NPLOC4: variants seen among roughly 807,000 people sequenced by gnomAD.
NPLOC4 encodes the protein NPL4 homolog, ubiquitin recognition factor, also known as nuclear protein localization protein 4 homolog.
A neutral mutation model predicts 80.6 loss-of-function variants in NPLOC4; 18 were observed. That is an observed-to-expected ratio of 0.22 (90% CI 0.15 to 0.33). The LOEUF is 0.33. NPLOC4 is among the 10% of genes least tolerant of loss of function. The probability of loss-of-function intolerance (pLI) is 1.00; values close to 1 mark genes in which losing one functional copy is unlikely to be tolerated. For synonymous variants in NPLOC4, 313 were observed against 301.5 expected (o/e 1.04, Z -0.39); for missense variants, 540 against 786.1 (o/e 0.69, Z 3.74).
intron 3 of NPLOC4, among the ~76,000 whole-genome samples, chr17:81,614,032 T>G (rs2035410330): frequency 6.6e-6 from 1 of 151,944 alleles, no homozygotes; most frequent in Admixed American, 6.6e-5. Context: ...ATCCCAGCAC[T>G]TTGGGAGGCT....
chr17:81,635,099 T>C (rs1168633211), intron 1 of NPLOC4, among the ~76,000 whole-genome samples: 1 of 151,874 alleles, frequency 6.6e-6, no homozygotes, highest in African/African-American at 2.4e-5. Flanking sequence ...CCCAGCATTT[T>C]GGTATGCCAA....
At chr17:81,595,435 A>G (rs1272633833) in intron 11 of NPLOC4, among the ~76,000 whole-genome samples, 5 of 146,830 alleles carry the variant, frequency 3.4e-5, no homozygotes, top group Non-Finnish European at 6.0e-5. Context: ...GTCAAAAAAA[A>G]AAAAAAAACC....
chr17:81,564,709 A>T (rs75659804), intron 16 of NPLOC4: 21,580 of 151,612 alleles, frequency 0.14, 1,824 homozygotes, highest in Admixed American at 0.23. Flanking sequence ...AATCGTTTGA[A>T]CCCAGGAGGT....
At chr17:81,583,154 C>T (rs2034489875) in intron 12 of NPLOC4, among the ~76,000 whole-genome samples, 1 of 152,250 alleles carries the variant, frequency 6.6e-6, no homozygotes, top group Non-Finnish European at 1.5e-5. Context: ...CAGTGAGCGA[C>T]TTGGAAATAT....
chr17:81,596,942 C>T (rs981850684), intron 10 of NPLOC4, among the ~76,000 whole-genome samples: 1 of 152,036 alleles, frequency 6.6e-6, no homozygotes, highest in Non-Finnish European at 1.5e-5. Context: ...GAAACCCCAT[C>T]TCTATTAAAA....
chr17:81,602,940 TATAC>T (rs971393260), intron 8 of NPLOC4, among the ~76,000 whole-genome samples: 3 of 149,942 alleles, frequency 2.0e-5, no homozygotes, highest in South Asian at 4.2e-4. Flanking sequence ...CACATATATA[TATAC>T]ACACACATAT....
At chr17:81,562,429 C>T (rs1007079991) in intron 16 of NPLOC4, 1 of 152,166 alleles carries the variant, frequency 6.6e-6, no homozygotes, top group Non-Finnish European at 1.5e-5. Flanking sequence ...ATTCCAGCTA[C>T]TTAGGAGGCA....
chr17:81,629,883 C>A (rs2035886640), intron 1 of NPLOC4, 78 bp from the exon 2 acceptor site: 1 of 1,033,504 alleles, frequency 9.7e-7, no homozygotes, highest in Non-Finnish European at 1.5e-6. Context: ...CATCTGTGGT[C>A]TTTTAGCATC....
chr17:81,631,461 T>C (rs138045712), intron 1 of NPLOC4, among the ~76,000 whole-genome samples: 917 of 45,736 alleles, frequency 0.02, 29 homozygotes, highest in African/African-American at 0.085. Context: ...TTTTTTTTTT[T>C]TCCCCCACGG....
rs1416199888 is a variant in NPLOC4, at chr17:81,610,954, G to A, written c.387-696C>T. Among the ~76,000 whole-genome samples the A allele has an allele frequency of 1.0e-3, 26 of 24,856 alleles. 5 individuals are homozygous for A. The highest frequency in any genetic ancestry group is 7.8e-3 in the Admixed American group (24 of 3,058). The allele number at this position is 24,856 out of a possible 152,430, so 16.3% of individuals were successfully genotyped here. On this transcript the variant is annotated intron_variant, in intron 4 of 16. Transcript: ENST00000331134. Reference sequence around the variant, plus strand: ...GGCCTGGGCGACAGAGCGAGACTCCGTCTCAAAAAAAAAAAAAAAAAAAAA... The same window carrying A: ...GGCCTGGGCGACAGAGCGAGACTCCATCTCAAAAAAAAAAAAAAAAAAAAA...
intron 11 of NPLOC4, among the ~76,000 whole-genome samples, chr17:81,593,447 TTTC>T (rs1305323069): frequency 6.6e-6 from 1 of 152,012 alleles, no homozygotes; most frequent in African/African-American, 2.4e-5. Flanking sequence ...CTTTATTCTG[TTTC>T]TTTCCTATCA....
Position 81,557,521 on chromosome 17 carries a change from T to C in NPLOC4, c.*1738A>G, listed in dbSNP as rs2143985203. ...CAACGCGGCTCTCTCTAGAAGTCCG[T>C]GCTGTCCAGCCTCTGCCCAGTGGTG... On this transcript the variant is annotated 3_prime_UTR_variant, in exon 17 of 17. Transcript: ENST00000331134. 1 of 152,336 alleles carries C rather than the reference T, an allele frequency of 6.6e-6. No homozygotes were observed. The highest frequency in any genetic ancestry group is 2.1e-4 in the South Asian group (1 of 4,832). The allele number at this position is 152,336 out of a possible 1,614,324, so 9.4% of individuals were successfully genotyped here.
Position 81,577,776 on chromosome 17 carries a change from G to C in NPLOC4, c.1282-5688C>G, listed in dbSNP as rs1490719318. On this transcript the variant is annotated intron_variant, in intron 12 of 16. Coordinates refer to ENST00000331134, the MANE Select transcript of NPLOC4 (RefSeq NM_017921.4). The surrounding 1 kb of genome is among the most constrained non-coding windows in gnomAD (Gnocchi z 4.3). Reference sequence around the variant, plus strand: ...CCTGCTCCCCAAAACCAGGAACCTGGCTTGAGCCTGTGCTCCTCTCTGCAC... The same window carrying C: ...CCTGCTCCCCAAAACCAGGAACCTGCCTTGAGCCTGTGCTCCTCTCTGCAC... 6.6e-6 allele frequency among the ~76,000 whole-genome samples: 1 copy of C among 152,028 alleles called. No individual in the cohort carries two copies. The highest frequency in any genetic ancestry group is 1.5e-5 in the Non-Finnish European group (1 of 68,006).
rs938610658 is a variant in NPLOC4 at position 81,604,419 on chromosome 17, T to G, written c.834+129A>C. 3 of 747,192 alleles carry G rather than the reference T, an allele frequency of 4.0e-6. No homozygotes were observed. The African/African-American group carries it at 5.4e-5, about 13-fold the overall frequency. 46.3% of individuals were successfully genotyped at this position (747,192 alleles called of 1,614,324 possible). A position where few individuals can be genotyped will look rare whatever the true frequency, so the allele number is the denominator to read the frequency against. On this transcript the variant is annotated intron_variant, in intron 8 of 16. Transcript: ENST00000331134. ...CTCTCCAATAACTCAGAAAATGTTG[T>G]GCACGTGCACCGGTGTGTGACAAAG...
At chr17:81,570,341 TTGGTACACACAGTGC>T (rs2034128440) in intron 13 of NPLOC4, among the ~76,000 whole-genome samples, 1 of 152,158 alleles carries the variant, frequency 6.6e-6, no homozygotes, top group South Asian at 2.1e-4. Flanking sequence ...ACACATAGTG[TTGGTACACACAGTGC>T]TGGGTCCCAG....
At chr17:81,614,842 G>A (rs1221298049) in intron 3 of NPLOC4, among the ~76,000 whole-genome samples, 1 of 152,154 alleles carries the variant, frequency 6.6e-6, no homozygotes, top group Non-Finnish European at 1.5e-5. Context: ...TGGAAGAAAG[G>A]CTGCAGCATG....
At chr17:81,607,331 G>C (rs763288383) in intron 6 of NPLOC4, among the ~76,000 whole-genome samples, 3 of 145,780 alleles carry the variant, frequency 2.1e-5, no homozygotes, top group Non-Finnish European at 3.0e-5. Context: ...CTGTCAATGA[G>C]AAAATCCTGG....
At chr17:81,583,823 G>A (rs1185717126) in intron 12 of NPLOC4, among the ~76,000 whole-genome samples, 1 of 152,294 alleles carries the variant, frequency 6.6e-6, no homozygotes, top group African/African-American at 2.4e-5. Flanking sequence ...CCATGTGTGA[G>A]TGCATGTAAA....
At position 81,559,070 on chromosome 17, in the gene NPLOC4, C is replaced by T. The variant is rs1414563461; in HGVS notation, c.*189G>A. On this transcript the variant is annotated 3_prime_UTR_variant, in exon 17 of 17. Transcript: ENST00000331134. ...TGCATTCAGCCTGCAGAATACCAGC[C>T]GTGGCGCCCGCTCTCCAGGGAGGAA... The T allele has an allele frequency of 1.5e-5, 9 of 617,002 alleles. No individual in the cohort carries two copies. Among genetic ancestry groups the T allele is most frequent in the East Asian group, 5.8e-5 (2 of 34,428 alleles). The allele number at this position is 617,002 out of a possible 1,614,324, so 38.2% of individuals were successfully genotyped here.
Sources: allele counts gnomAD v4.1 joint callset (sites outside exome capture counted in the v4.1 genomes callset), GRCh38; gene constraint gnomAD v4.1.1; non-coding constraint Gnocchi (gnomAD v3.1); transcripts MANE v1.5; gene names NCBI Gene and HGNC (gene_info 2026-07-23, HGNC 2026-07-21).